The following LAMP3 variants were observed in gnomAD, a reference collection of about 807,000 sequenced individuals.
The protein encoded by LAMP3 is lysosome-associated membrane glycoprotein 3.
LAMP3 carries 26 observed loss-of-function variants against 34.8 expected under a neutral mutation model. The observed-to-expected ratio is 0.75, with a 90% CI of 0.55 to 1.04. The LOEUF is 1.04. Ranked by LOEUF, LAMP3 falls within the 50% of genes least tolerant of loss-of-function variation. The pLI is 0.00. For synonymous variants in LAMP3, 180 were observed against 201.9 expected (o/e 0.89, Z 0.92); for missense variants, 495 against 524.0 (o/e 0.94, Z 0.54).
chr3:183,136,673 A>AAAC (rs1720105334), intron 4 of LAMP3, among the ~76,000 whole-genome samples: 2 of 147,092 alleles, frequency 1.4e-5, no homozygotes, highest in South Asian at 2.2e-4. Flanking sequence ...AAAAAAAACA[A>AAAC]CTCATTAGGA....
chr3:183,149,902 A>G, intron 3 of LAMP3, among the ~76,000 whole-genome samples: 1 of 152,162 alleles, frequency 6.6e-6, no homozygotes, highest in East Asian at 1.9e-4. Context: ...TAAATTTAAT[A>G]AAAAGTAAAT....
chr3:183,140,715 C>G (rs1720257877), intron 3 of LAMP3, 120 bp from the exon 4 acceptor site: 2 of 673,288 alleles, frequency 3.0e-6, no homozygotes, highest in South Asian at 1.8e-5. Flanking sequence ...TGGGGAGTTA[C>G]TTGGTACTGG....
At chr3:183,162,736 C>T, upstream of LAMP3, 3 of 1,315,720 alleles carry the variant, frequency 2.3e-6, no homozygotes, top group Non-Finnish European at 3.0e-6. Context: ...CCTACCTGTG[C>T]CGGAGAAACG....
intron 5 of LAMP3, among the ~76,000 whole-genome samples, chr3:183,134,344 C>T (rs1231519827): frequency 6.6e-6 from 1 of 151,994 alleles, no homozygotes; most frequent in African/African-American, 2.4e-5. Context: ...TAAAGACAAG[C>T]GAGCTTTTCT....
chr3:183,134,885 TTTAGAAA>T (rs2108598099), intron 5 of LAMP3, among the ~76,000 whole-genome samples: 1 of 152,326 alleles, frequency 6.6e-6, no homozygotes, highest in South Asian at 2.1e-4. Context: ...AGAGGGATGT[TTTAGAAA>T]TTGAAGTACA....
At chr3:183,163,020 C>A, upstream of LAMP3, 1 of 199,030 alleles carries the variant, frequency 5.0e-6, no homozygotes, top group Non-Finnish European at 1.0e-5. Context: ...TGCAGTGGCG[C>A]GATCTCGGCT....
chr3:183,163,248 G>T, upstream of LAMP3, among the ~76,000 whole-genome samples: 1 of 149,298 alleles, frequency 6.7e-6, no homozygotes. Context: ...GAGCCACCGA[G>T]CCCGGCCAGG....
chr3:183,134,566 C>G (rs1720025985), intron 5 of LAMP3, among the ~76,000 whole-genome samples: 1 of 152,198 alleles, frequency 6.6e-6, no homozygotes, highest in Admixed American at 6.5e-5. Context: ...TTTTCCAACA[C>G]TAGCATTTTT....
chr3:183,138,023 A>T (rs1478414646), intron 4 of LAMP3, among the ~76,000 whole-genome samples: 1 of 151,976 alleles, frequency 6.6e-6, no homozygotes, highest in Non-Finnish European at 1.5e-5. Flanking sequence ...GGATTTTGCC[A>T]TGTTGGCCAG....
chr3:183,126,566 A>G (rs1038922146), intron 5 of LAMP3, among the ~76,000 whole-genome samples: 45 of 146,628 alleles, frequency 3.1e-4, no homozygotes, highest in African/African-American at 7.1e-4. Context: ...GTGTGTGTGC[A>G]CACGTGTGCA....
chr3:183,160,555 T>A (rs1720947476), intron 1 of LAMP3, among the ~76,000 whole-genome samples: 1 of 152,178 alleles, frequency 6.6e-6, no homozygotes, highest in Admixed American at 6.5e-5. Flanking sequence ...AATGCCAGTC[T>A]CAGGAATGCT....
At chr3:183,132,292 A>C in intron 5 of LAMP3, 1 of 926,132 alleles carries the variant, frequency 1.1e-6, no homozygotes, top group Non-Finnish European at 1.3e-6. Flanking sequence ...GTTTTTTTAA[A>C]ATAATAGCAT....
Position 183,124,035 on chromosome 3 carries a change from A to G in LAMP3, c.*46T>C. The stretch of plus-strand genomic sequence containing the variant: ...CCCAACATCCATCCTGGAAGGGATG[A>G]AAGAGTTCTCTAAATTCCATTATTT... On this transcript the variant is annotated 3_prime_UTR_variant, in exon 6 of 6. Coordinates refer to ENST00000265598, the MANE Select transcript of LAMP3 (RefSeq NM_014398.4). 6.2e-7 allele frequency: 1 copy of G among 1,610,236 alleles called. No homozygotes were observed. The highest frequency in any genetic ancestry group is 1.3e-5 in the African/African-American group (1 of 74,942).
At chr3:183,128,126 A>C (rs1192134892) in intron 5 of LAMP3, among the ~76,000 whole-genome samples, 1 of 143,198 alleles carries the variant, frequency 7.0e-6, no homozygotes, top group Non-Finnish European at 1.5e-5. Flanking sequence ...CCAGCGTGGG[A>C]GACAGAGCGA....
At chr3:183,159,089 C>T (rs1720903455) in intron 1 of LAMP3, among the ~76,000 whole-genome samples, 6 of 152,024 alleles carry the variant, frequency 3.9e-5, no homozygotes, top group Admixed American at 3.9e-4. Context: ...TGTACAGTCT[C>T]ACCATGTTGC....
intron 4 of LAMP3, among the ~76,000 whole-genome samples, chr3:183,137,790 T>C (rs1173790343): frequency 1.3e-5 from 2 of 151,942 alleles, no homozygotes; most frequent in Admixed American, 1.3e-4. Context: ...CAGCTTTAAA[T>C]TAATTTTTGA....
At chr3:183,133,717 A>G (rs949240742) in intron 5 of LAMP3, among the ~76,000 whole-genome samples, 2 of 152,224 alleles carry the variant, frequency 1.3e-5, no homozygotes, top group African/African-American at 2.4e-5. Context: ...TCAGCATAAT[A>G]AACAGCAAAA....
chr3:183,147,806 T>C (rs1720492044), intron 3 of LAMP3, among the ~76,000 whole-genome samples: 1 of 152,134 alleles, frequency 6.6e-6, no homozygotes, highest in Non-Finnish European at 1.5e-5. Context: ...CCTTGACCTC[T>C]TAGGCTCAAG....
intron 1 of LAMP3, chr3:183,158,189 T>C (rs1411797921): frequency 2.6e-5 from 4 of 152,158 alleles, no homozygotes; most frequent in African/African-American, 9.7e-5. Context: ...ATCTCTGCAT[T>C]GTAAAGTAGC....
Sources: gnomAD v4.1 joint callset for allele counts (sites outside exome capture counted in the v4.1 genomes callset) on GRCh38, gnomAD v4.1.1 for gene constraint, MANE v1.5 for transcripts, NCBI Gene and HGNC (gene_info 2026-07-23, HGNC 2026-07-21) for gene names.